Variants in LRRC9 observed in about 807,000 individuals in gnomAD.
LRRC9 encodes the protein leucine-rich repeat-containing protein 9.
In LRRC9, 122 loss-of-function variants were observed where a neutral mutation model predicts 63.2. The observed-to-expected ratio is 1.93, with a 90% CI of 1.67 to 2.24. The LOEUF (loss-of-function observed/expected upper bound fraction) is 2.24, where lower values mean the gene tolerates loss of function less well. LRRC9 is among the 30% of genes most tolerant of loss of function. LRRC9 has a pLI of 0.00. For missense variants in LRRC9, 1,071 were observed against 627.7 expected (o/e 1.71, Z -7.55); for synonymous variants, 366 against 213.1 (o/e 1.72, Z -6.25).
intron 29 of LRRC9, among the ~76,000 whole-genome samples, chr14:60,037,672 T>A (rs574760718): frequency 2.0e-5 from 3 of 152,358 alleles, no homozygotes; most frequent in East Asian, 3.9e-4. Flanking sequence ...ATTAGCCCTT[T>A]GTCCGATAGG....
Position 60,053,812 on chromosome 14 carries a change from G to A in LRRC9, c.4131+607G>A, listed in dbSNP as rs1311836547. 2 of 404,112 alleles carry A rather than the reference G, an allele frequency of 4.9e-6. No homozygotes were observed. The highest frequency in any genetic ancestry group is 4.8e-6 in the Non-Finnish European group (1 of 208,994). The allele number at this position is 404,112 out of a possible 1,614,324, so 25.0% of individuals were successfully genotyped here. ...TGAAAATTCTGTCTTTGACCACCTA[G>A]TTTCTTCATGACCATCTTCTAAAGA... On this transcript the variant is annotated intron_variant, in intron 30 of 31. Transcript: ENST00000445360. This position sits in a 1 kb window ranked among gnomAD's most constrained non-coding sequence, Gnocchi z 4.8.
At position 60,053,265 on chromosome 14, in the gene LRRC9, CATT is replaced by C. The variant is rs1464584789; in HGVS notation, c.4131+63_4131+65del. On this transcript the variant is annotated intron_variant, in intron 30 of 31. Transcript: ENST00000445360. This position sits in a 1 kb window ranked among gnomAD's most constrained non-coding sequence, Gnocchi z 4.8. ...AGCACATTAATGGTTAGTAAATGAACATTATATCTTTTGATTTAAATGTTTAAA... is the reference window on the plus strand; with the variant it reads ...AGCACATTAATGGTTAGTAAATGAACATATCTTTTGATTTAAATGTTTAAA... 12 of 651,592 alleles carry C rather than the reference CATT, an allele frequency of 1.8e-5. No individual in the cohort carries two copies. Among genetic ancestry groups the C allele is most frequent in the Non-Finnish European group, 2.8e-6 (1 of 359,948 alleles). 40.4% of individuals were successfully genotyped at this position (651,592 alleles called of 1,614,324 possible). A position where few individuals can be genotyped will look rare whatever the true frequency, so the allele number is the denominator to read the frequency against.
intron 23 of LRRC9, among the ~76,000 whole-genome samples, chr14:60,012,913 T>C (rs1055805966): frequency 2.0e-5 from 3 of 146,974 alleles, no homozygotes; most frequent in African/African-American, 7.4e-5. Flanking sequence ...TATGTTTTTA[T>C]TTTTTATTTA....
intron 8 of LRRC9, among the ~76,000 whole-genome samples, chr14:59,951,768 C>T (rs1295369651): frequency 6.6e-6 from 1 of 152,060 alleles, no homozygotes; most frequent in East Asian, 1.9e-4. Context: ...TGTGAGGTGT[C>T]AGTGTGCCCC....
intron 28 of LRRC9, chr14:60,030,434 A>G (rs1456839102): frequency 1.3e-5 from 2 of 152,040 alleles, no homozygotes; most frequent in Non-Finnish European, 2.9e-5. Flanking sequence ...ATTCACCTTG[A>G]TAGTCCTGTT....
chr14:59,928,278 A>T (rs760898442), exon 3 of LRRC9: 3 of 595,050 alleles, frequency 5.0e-6, no homozygotes, highest in Non-Finnish European at 8.8e-6. Flanking sequence ...TGTTTGTGCA[A>T]TGGCTTATCT....
At chr14:59,975,946 A>G (rs943179238) in intron 13 of LRRC9, among the ~76,000 whole-genome samples, 2 of 152,192 alleles carry the variant, frequency 1.3e-5, no homozygotes, top group African/African-American at 2.4e-5. Flanking sequence ...GCAAAGCTTC[A>G]TCTGTATTTG....
Position 59,942,766 on chromosome 14 carries a change from ATC to A in LRRC9, c.727-1811_727-1810del, listed in dbSNP as rs200043634. Among the ~76,000 whole-genome samples, 4 of 150,778 alleles carry A rather than the reference ATC, an allele frequency of 2.7e-5. No homozygotes were observed. Among genetic ancestry groups the A allele is most frequent in the Admixed American group, 2.0e-4 (3 of 15,142 alleles). Reference sequence around the variant, plus strand: ...CCCTTTGCTCTGCATCCTCGCCAGCATCTCTCTCTCTCTTTTTTTTTTCTGTC... The same window carrying A: ...CCCTTTGCTCTGCATCCTCGCCAGCATCTCTCTCTCTTTTTTTTTTCTGTC... On this transcript the variant is annotated intron_variant, in intron 7 of 31. Transcript: ENST00000445360. This position sits in a 1 kb window ranked among gnomAD's most constrained non-coding sequence, Gnocchi z 5.3.
chr14:59,941,920 T>C (rs1881808916), intron 7 of LRRC9, among the ~76,000 whole-genome samples: 1 of 152,132 alleles, frequency 6.6e-6, no homozygotes, highest in South Asian at 2.1e-4. Flanking sequence ...CTAGCTGTAA[T>C]TTTGTACCCT....
At chr14:60,024,178 G>T (rs1264965914) in intron 27 of LRRC9, among the ~76,000 whole-genome samples, 1 of 152,110 alleles carries the variant, frequency 6.6e-6, no homozygotes, top group Admixed American at 6.6e-5. Context: ...GGGTTGCTGG[G>T]TCAAACGGTA....
intron 8 of LRRC9, among the ~76,000 whole-genome samples, chr14:59,949,229 T>A (rs1882820363): frequency 6.6e-6 from 1 of 152,028 alleles, no homozygotes; most frequent in Non-Finnish European, 1.5e-5. Flanking sequence ...CTTCCTGGTT[T>A]AGTCTTGAGA....
At chr14:59,984,005 G>A (rs1426767354) in intron 16 of LRRC9, among the ~76,000 whole-genome samples, 1 of 152,194 alleles carries the variant, frequency 6.6e-6, no homozygotes, top group East Asian at 1.9e-4. Flanking sequence ...CTAAGGCACT[G>A]ATAGTGGTGA....
In LRRC9 at chr14:60,004,045, C is replaced by G. The variant is rs1323680430; in HGVS notation, c.2842+247C>G. ...ACAAGATAAATGGATACAATATTAT[C>G]TGTCAAATTAAAAAATAAAAGATAA... On this transcript the variant is annotated intron_variant, in intron 21 of 31. Coordinates refer to ENST00000445360, the Ensembl canonical transcript of LRRC9. This position sits in a 1 kb window ranked among gnomAD's most constrained non-coding sequence, Gnocchi z 4.8. Among the ~76,000 whole-genome samples the G allele has an allele frequency of 1.3e-5, 2 of 152,080 alleles. No homozygotes were observed. Among genetic ancestry groups the G allele is most frequent in the African/African-American group, 4.8e-5 (2 of 41,416 alleles).
In LRRC9 at chr14:60,027,625, T is replaced by C. The variant is rs1394465641; in HGVS notation, c.3704-259T>C. 1.3e-5 allele frequency among the ~76,000 whole-genome samples: 2 copies of C among 152,128 alleles called. No individual in the cohort carries two copies. The highest frequency in any genetic ancestry group is 2.4e-5 in the African/African-American group (1 of 41,458). On this transcript the variant is annotated intron_variant, in intron 27 of 31. Coordinates refer to ENST00000445360, the Ensembl canonical transcript of LRRC9. This position sits in a 1 kb window ranked among gnomAD's most constrained non-coding sequence, Gnocchi z 4.0. ...TTAACACTTAATTACCAAACAGACATATTAGATCAATTCAGTACATTCTGT... is the reference window on the plus strand; with the variant it reads ...TTAACACTTAATTACCAAACAGACACATTAGATCAATTCAGTACATTCTGT...
rs1187302865 is a variant in LRRC9, at chr14:60,027,216, T to A, written c.3704-668T>A. On this transcript the variant is annotated intron_variant, in intron 27 of 31. Coordinates refer to ENST00000445360, the Ensembl canonical transcript of LRRC9. This position sits in a 1 kb window ranked among gnomAD's most constrained non-coding sequence, Gnocchi z 4.0. ...CTGATTAGAAAAAAGAGATAAAATA[T>A]TTCCCCTGTAGTATTTTGAGACTCT... Among the ~76,000 whole-genome samples the A allele has an allele frequency of 6.6e-6, 1 of 152,018 alleles. No individual in the cohort carries two copies. Among genetic ancestry groups the A allele is most frequent in the Non-Finnish European group, 1.5e-5 (1 of 67,964 alleles).
At chr14:59,975,108 T>C (rs1268697334) in intron 13 of LRRC9, among the ~76,000 whole-genome samples, 1 of 16,016 alleles carries the variant, frequency 6.2e-5, no homozygotes, top group African/African-American at 1.3e-4. Context: ...TATACATATA[T>C]ATATGTATAT....
chr14:59,959,885 A>G (rs1884170485), exon 9 of LRRC9: 1 of 699,366 alleles, frequency 1.4e-6, no homozygotes, highest in Admixed American at 2.0e-5. Flanking sequence ...AATAACAGTA[A>G]AGTAACTGAT....
chr14:59,947,372 A>G (rs1882566037), intron 8 of LRRC9, among the ~76,000 whole-genome samples: 1 of 115,424 alleles, frequency 8.7e-6, no homozygotes, highest in African/African-American at 3.7e-5. Context: ...TTTTCTTGTA[A>G]ATTTGTTTGA....
exon 22 of LRRC9, chr14:60,006,517 G>C (rs1378680719): frequency 1.4e-6 from 1 of 701,850 alleles, no homozygotes; most frequent in East Asian, 2.7e-5. Context: ...GAGAACAACA[G>C]AATCACTTCA....
Sources: allele counts gnomAD v4.1 joint callset (sites outside exome capture counted in the v4.1 genomes callset), GRCh38; gene constraint gnomAD v4.1.1; non-coding constraint Gnocchi (gnomAD v3.1); transcripts MANE v1.5; gene names NCBI Gene and HGNC (gene_info 2026-07-23, HGNC 2026-07-21).